MVB12B: variants seen among roughly 807,000 people sequenced by gnomAD.
MVB12B encodes the protein multivesicular body subunit 12B, also known as ESCRT-I complex subunit MVB12B.
Under a neutral mutation model 41.6 loss-of-function variants are expected in MVB12B, and 16 were observed. The observed-to-expected ratio is 0.38, with a 90% CI of 0.26 to 0.58. MVB12B has a LOEUF of 0.58. Ranked by LOEUF, MVB12B falls within the 20% of genes least tolerant of loss-of-function variation. The pLI, the probability that MVB12B is intolerant of heterozygous loss-of-function variation, is 0.62. For missense variants in MVB12B, 274 were observed against 380.2 expected (o/e 0.72, Z 2.32); for synonymous variants, 133 against 139.7 (o/e 0.95, Z 0.34).
intron 2 of MVB12B, among the ~76,000 whole-genome samples, chr9:126,356,683 G>A (rs968155069): frequency 2.0e-5 from 3 of 152,072 alleles, no homozygotes; most frequent in Non-Finnish European, 2.9e-5. Flanking sequence ...GTAGGGCCTG[G>A]TGGGAGGTGA....
intron 1 of MVB12B, among the ~76,000 whole-genome samples, chr9:126,328,902 C>T (rs1245525689): frequency 6.6e-6 from 1 of 152,054 alleles, no homozygotes; most frequent in Non-Finnish European, 1.5e-5. Flanking sequence ...CCCACCTCAG[C>T]CTCCCAAGTA....
chr9:126,343,222 C>T (rs566430472), intron 2 of MVB12B, among the ~76,000 whole-genome samples: 1 of 152,340 alleles, frequency 6.6e-6, no homozygotes, highest in African/African-American at 2.4e-5. Flanking sequence ...GTCTGCGGTC[C>T]TCTCTGAAAG....
chr9:126,327,830 A>G (rs1481263632), intron 1 of MVB12B, among the ~76,000 whole-genome samples: 1 of 152,216 alleles, frequency 6.6e-6, no homozygotes, highest in Non-Finnish European at 1.5e-5. Context: ...GGCACTGAGG[A>G]AGACCACAGG....
At chr9:126,397,290 G>A in intron 6 of MVB12B, 1 of 985,484 alleles carries the variant, frequency 1.0e-6, no homozygotes, top group South Asian at 4.7e-5. Context: ...ATAAAGCAGA[G>A]AGAGCTCTCA....
intron 7 of MVB12B, chr9:126,426,813 AGCTAGTT>A (rs1252996611): frequency 6.6e-6 from 1 of 152,278 alleles, no homozygotes; most frequent in Non-Finnish European, 1.5e-5. Context: ...GAGAGAAACA[AGCTAGTT>A]GCTTGGGAAG....
chr9:126,371,920 G>A (rs966699912), intron 2 of MVB12B, among the ~76,000 whole-genome samples: 2 of 152,154 alleles, frequency 1.3e-5, no homozygotes, highest in African/African-American at 4.8e-5. Context: ...TTTTAAGAGT[G>A]TACAATCCAT....
At position 126,459,962 on chromosome 9, in the gene MVB12B, T is replaced by A. The variant is rs1430666497; in HGVS notation, c.758-21407T>A. Among the ~76,000 whole-genome samples, 2 of 152,168 alleles carry A rather than the reference T, an allele frequency of 1.3e-5. No individual in the cohort carries two copies. The highest frequency in any genetic ancestry group is 2.9e-5 in the Non-Finnish European group (2 of 68,028). ...TCCCCTGCGATTTGGGGCATGTGCT[T>A]TGGACTTTGAATTTGAGGCTCCCAT... is the stretch of plus-strand genomic sequence containing the variant. On this transcript the variant is annotated intron_variant, in intron 7 of 9. Coordinates refer to ENST00000361171, the MANE Select transcript of MVB12B (RefSeq NM_033446.3). The surrounding 1 kb of genome is among the most constrained non-coding windows in gnomAD (Gnocchi z 4.3).
chr9:126,327,175 C>A (rs1212918165), intron 1 of MVB12B, 165 bp downstream of exon 1: 1 of 851,144 alleles, frequency 1.2e-6, no homozygotes, highest in South Asian at 5.4e-5. Flanking sequence ...GGGACAGGCC[C>A]GGGCGGCCTT....
intron 7 of MVB12B, among the ~76,000 whole-genome samples, chr9:126,426,055 T>G (rs1467456411): frequency 6.6e-6 from 1 of 152,234 alleles, no homozygotes; most frequent in East Asian, 1.9e-4. Flanking sequence ...TGTTTGTAAA[T>G]AAAGTTTTAT....
In MVB12B at chr9:126,423,730, A is replaced by G. The variant is rs73595701; in HGVS notation, c.757+1782A>G. ...CCTGCAAGCTCAGCACTGGGCAACT[A>G]TGGTACAACTGGGAAGGCTGCCCGC... On this transcript the variant is annotated intron_variant, in intron 7 of 9. Coordinates refer to ENST00000361171, the MANE Select transcript of MVB12B (RefSeq NM_033446.3). Among the ~76,000 whole-genome samples the G allele has an allele frequency of 3.5e-3, 537 of 152,288 alleles. 3 individuals are homozygous for G. The highest frequency in any genetic ancestry group is 0.012 in the African/African-American group (519 of 41,560).
At chr9:126,432,206 A>G (rs4837084) in intron 7 of MVB12B, among the ~76,000 whole-genome samples, 133,303 of 152,248 alleles carry the variant, frequency 0.88, 58,524 homozygotes, top group East Asian at 1. Context: ...AAATATGCCC[A>G]TTTCCCCCTG....
chr9:126,343,791 C>T (rs1033573980), intron 2 of MVB12B, among the ~76,000 whole-genome samples: 4 of 152,174 alleles, frequency 2.6e-5, no homozygotes, highest in African/African-American at 9.7e-5. Context: ...GTGGTGCGTG[C>T]CTGTAATCCC....
intron 7 of MVB12B, chr9:126,481,017 T>C (rs112546649): frequency 5.8e-5 from 16 of 276,728 alleles, no homozygotes; most frequent in African/African-American, 3.3e-4. Context: ...CTGTGTCACC[T>C]TCATCCTGCT....
At chr9:126,390,726 CAAG>C (rs1444816792) in intron 4 of MVB12B, among the ~76,000 whole-genome samples, 3 of 152,200 alleles carry the variant, frequency 2.0e-5, no homozygotes, top group African/African-American at 7.2e-5. Context: ...TTTGGGAGGC[CAAG>C]GAGGGTGGAT....
chr9:126,430,878 T>C (rs1832311653), intron 7 of MVB12B, among the ~76,000 whole-genome samples: 1 of 152,232 alleles, frequency 6.6e-6, no homozygotes, highest in South Asian at 2.1e-4. Flanking sequence ...CTTTGGGCAA[T>C]GCTAGTATCC....
intron 7 of MVB12B, among the ~76,000 whole-genome samples, chr9:126,430,376 C>T (rs1351661990): frequency 2.6e-5 from 4 of 152,090 alleles, no homozygotes. Flanking sequence ...CAGATTTCAC[C>T]ACCTTCTCTT....
chr9:126,461,534 T>C (rs959115777), intron 7 of MVB12B, among the ~76,000 whole-genome samples: 2 of 152,220 alleles, frequency 1.3e-5, no homozygotes, highest in Non-Finnish European at 2.9e-5. Context: ...TAGCTCCTAA[T>C]ATCATTTCAC....
intron 6 of MVB12B, chr9:126,396,442 T>A: frequency 1.0e-6 from 1 of 985,484 alleles, no homozygotes; most frequent in Non-Finnish European, 1.2e-6. Context: ...CAGCAACACT[T>A]AGGGATTGAC....
intron 6 of MVB12B, among the ~76,000 whole-genome samples, chr9:126,399,939 C>G (rs1831222863): frequency 6.6e-6 from 1 of 152,136 alleles, no homozygotes; most frequent in South Asian, 2.1e-4. Context: ...CGGAGAGGGC[C>G]CCCGAGGTTC....
Sources: allele counts gnomAD v4.1 joint callset (sites outside exome capture counted in the v4.1 genomes callset), GRCh38; gene constraint gnomAD v4.1.1; non-coding constraint Gnocchi (gnomAD v3.1); transcripts MANE v1.5; gene names NCBI Gene and HGNC (gene_info 2026-07-23, HGNC 2026-07-21).